LIN28B: variants seen among roughly 807,000 people sequenced by gnomAD.
LIN28B encodes the protein lin-28 RNA binding posttranscriptional regulator B, also known as protein lin-28 homolog B.
A neutral mutation model predicts 21.9 loss-of-function variants in LIN28B; 5 were observed. The observed-to-expected ratio is 0.23, with a 90% CI of 0.12 to 0.48. The LOEUF (loss-of-function observed/expected upper bound fraction) is 0.48, where lower values mean the gene tolerates loss of function less well. LIN28B is among the 20% of genes least tolerant of loss of function. The pLI is 0.98. For missense variants in LIN28B, 245 were observed against 310.5 expected (o/e 0.79, Z 1.58); for synonymous variants, 109 against 111.3 (o/e 0.98, Z 0.13).
At chr6:105,047,106 G>C (rs1771785441) in intron 3 of LIN28B, among the ~76,000 whole-genome samples, 1 of 152,152 alleles carries the variant, frequency 6.6e-6, no homozygotes, top group African/African-American at 2.4e-5. Context: ...CCTATGTCCT[G>C]AATGGTATTG....
In LIN28B at chr6:105,079,080, A is replaced by T. The variant is rs1239298451; in HGVS notation, c.*297A>T. 3.8e-6 allele frequency: 1 copy of T among 263,806 alleles called. No homozygotes were observed. Among genetic ancestry groups the T allele is most frequent in the African/African-American group, 2.2e-5 (1 of 45,902 alleles). The allele number at this position is 263,806 out of a possible 1,614,324, so 16.3% of individuals were successfully genotyped here. ...TTTTTATATAGGAATGTAGACACATATATAAAGAGGCTTTGTCTTTATATA... is the reference window on the plus strand; with the variant it reads ...TTTTTATATAGGAATGTAGACACATTTATAAAGAGGCTTTGTCTTTATATA... On this transcript the variant is annotated 3_prime_UTR_variant, in exon 4 of 4. Transcript: ENST00000345080.
intron 3 of LIN28B, among the ~76,000 whole-genome samples, chr6:105,065,887 G>A (rs1237171608): frequency 6.6e-6 from 1 of 152,174 alleles, no homozygotes; most frequent in African/African-American, 2.4e-5. Flanking sequence ...GCAGGGGGCT[G>A]GGGGTATTCT....
chr6:105,048,982 G>T (rs755464877), intron 3 of LIN28B, among the ~76,000 whole-genome samples: 3 of 152,038 alleles, frequency 2.0e-5, no homozygotes, highest in African/African-American at 7.2e-5. Flanking sequence ...TGGATTCATT[G>T]ATGTTTTGAA....
intron 2 of LIN28B, among the ~76,000 whole-genome samples, chr6:105,023,097 C>A (rs1401987982): frequency 1.4e-5 from 2 of 145,380 alleles, no homozygotes; most frequent in Admixed American, 1.5e-4. Context: ...TAATTCCTTA[C>A]CTTTCAACAA....
chr6:105,050,731 A>G (rs961142535), intron 3 of LIN28B, among the ~76,000 whole-genome samples: 8 of 150,506 alleles, frequency 5.3e-5, no homozygotes, highest in East Asian at 1.9e-4. Context: ...TTATTTTACA[A>G]TGTTTTACAT....
At chr6:104,958,002 T>TC (rs1448729659) in intron 1 of LIN28B, 97 bp from the exon 2 acceptor site, 26 of 831,138 alleles carry the variant, frequency 3.1e-5, no homozygotes, top group East Asian at 8.7e-5. Context: ...CTGTTACCCT[T>TC]CCCCCCCAAC....
At chr6:105,017,850 A>G (rs955930163) in intron 2 of LIN28B, among the ~76,000 whole-genome samples, 1 of 152,186 alleles carries the variant, frequency 6.6e-6, no homozygotes, top group African/African-American at 2.4e-5. Context: ...CATGCAGTAT[A>G]CCCATGTGAC....
chr6:104,957,729 T>C (rs1271511330), intron 1 of LIN28B, among the ~76,000 whole-genome samples: 1 of 152,148 alleles, frequency 6.6e-6, no homozygotes, highest in African/African-American at 2.4e-5. Flanking sequence ...CCGGAGAGAA[T>C]AGTTTCGCTG....
At chr6:105,043,898 C>A (rs958675742) in intron 3 of LIN28B, among the ~76,000 whole-genome samples, 3 of 152,108 alleles carry the variant, frequency 2.0e-5, no homozygotes, top group Non-Finnish European at 4.4e-5. Flanking sequence ...CTGGACCTGG[C>A]TCTTTGTTGA....
intron 3 of LIN28B, among the ~76,000 whole-genome samples, chr6:105,063,635 C>CGG (rs762449779): frequency 1.7e-4 from 17 of 98,102 alleles, no homozygotes; most frequent in Admixed American, 2.6e-4. Flanking sequence ...GACTCCATCT[C>CGG]GGGGGGGGGG....
At chr6:105,038,094 A>G (rs984657591) in intron 3 of LIN28B, among the ~76,000 whole-genome samples, 1 of 152,202 alleles carries the variant, frequency 6.6e-6, no homozygotes, top group Non-Finnish European at 1.5e-5. Context: ...ACCATAAGGG[A>G]TAAGATTAAT....
At chr6:105,017,760 G>T (rs1256343481) in intron 2 of LIN28B, among the ~76,000 whole-genome samples, 5 of 151,686 alleles carry the variant, frequency 3.3e-5, no homozygotes, top group Non-Finnish European at 7.4e-5. Context: ...AGGGAGAGGG[G>T]CAAGGGTTGA....
intron 3 of LIN28B, among the ~76,000 whole-genome samples, chr6:105,060,240 C>G (rs1772100900): frequency 1.3e-5 from 2 of 151,620 alleles, no homozygotes; most frequent in Non-Finnish European, 2.9e-5. Context: ...GTGAAGGTGA[C>G]TGATTTGCTA....
intron 2 of LIN28B, among the ~76,000 whole-genome samples, chr6:104,963,422 G>A (rs1336168293): frequency 6.6e-6 from 1 of 152,132 alleles, no homozygotes; most frequent in Non-Finnish European, 1.5e-5. Context: ...TCAAGTGGTG[G>A]TGCATTTCTC....
intron 2 of LIN28B, among the ~76,000 whole-genome samples, chr6:104,945,886 G>C (rs1778150561): frequency 6.6e-6 from 1 of 151,824 alleles, no homozygotes; most frequent in Non-Finnish European, 1.5e-5. Flanking sequence ...TTACTCATTT[G>C]TTTTTATTTT....
intron 2 of LIN28B, among the ~76,000 whole-genome samples, chr6:104,961,149 A>C (rs913625210): frequency 2.0e-5 from 3 of 152,206 alleles, no homozygotes; most frequent in African/African-American, 7.2e-5. Flanking sequence ...GACCCATGTT[A>C]ATTGTGAAAC....
upstream of LIN28B, among the ~76,000 whole-genome samples, chr6:104,952,661 C>A (rs145073126): frequency 2.2e-3 from 333 of 152,140 alleles, 1 homozygote; most frequent in African/African-American, 7.7e-3. Context: ...GAAGCATTTG[C>A]AAATTTTGAA....
chr6:104,999,520 G>A (rs1770678650), intron 2 of LIN28B, among the ~76,000 whole-genome samples: 1 of 152,102 alleles, frequency 6.6e-6, no homozygotes, highest in Admixed American at 6.6e-5. Flanking sequence ...AAATTAGAAT[G>A]GATATGCACA....
At chr6:104,973,640 C>G (rs1770023689) in intron 2 of LIN28B, among the ~76,000 whole-genome samples, 1 of 152,184 alleles carries the variant, frequency 6.6e-6, no homozygotes, top group African/African-American at 2.4e-5. Flanking sequence ...AGTGTCGTTC[C>G]TTGACGAAGA....
Sources: gnomAD v4.1 joint callset for allele counts (sites outside exome capture counted in the v4.1 genomes callset) on GRCh38, gnomAD v4.1.1 for gene constraint, MANE v1.5 for transcripts, NCBI Gene and HGNC (gene_info 2026-07-23, HGNC 2026-07-21) for gene names.